The following KCNMA1 variants were observed in gnomAD, a reference collection of about 807,000 sequenced individuals.
The protein encoded by KCNMA1 is potassium calcium-activated channel subfamily M alpha 1.
Under a neutral mutation model 140.0 loss-of-function variants are expected in KCNMA1, and 29 were observed. That is an observed-to-expected ratio of 0.21 (90% CI 0.15 to 0.28). The LOEUF is 0.28. KCNMA1 is among the 10% of genes least tolerant of loss of function. The pLI, the probability that KCNMA1 is intolerant of heterozygous loss-of-function variation, is 1.00. For missense variants in KCNMA1, 880 were observed against 1,602.2 expected (o/e 0.55, Z 7.70); for synonymous variants, 612 against 611.9 (o/e 1.00, Z 0.00).
chr10:77,548,385 A>AC (rs764825164), intron 1 of KCNMA1, among the ~76,000 whole-genome samples: 31 of 151,942 alleles, frequency 2.0e-4, no homozygotes, highest in Admixed American at 1.3e-4. Context: ...CAGATGTTCC[A>AC]CCCCCACTTA....
chr10:77,305,394 T>C (rs7897426), intron 2 of KCNMA1, among the ~76,000 whole-genome samples: 37,310 of 152,158 alleles, frequency 0.25, 5,885 homozygotes, highest in Non-Finnish European at 0.36. Flanking sequence ...GGGTCTCAAC[T>C]TATAGAGAAA....
intron 3 of KCNMA1, among the ~76,000 whole-genome samples, chr10:77,245,541 T>G (rs541574416): frequency 2.6e-5 from 4 of 152,314 alleles, no homozygotes; most frequent in African/African-American, 9.6e-5. Context: ...CCATCCTATG[T>G]GGCTCCATTC....
At chr10:77,608,179 T>C (rs2085248945) in intron 1 of KCNMA1, among the ~76,000 whole-genome samples, 1 of 152,038 alleles carries the variant, frequency 6.6e-6, no homozygotes, top group South Asian at 2.1e-4. Flanking sequence ...TAGATCTCAT[T>C]TCTTTTTTTT....
intron 1 of KCNMA1, among the ~76,000 whole-genome samples, chr10:77,404,715 A>G (rs1162315380): frequency 1.3e-5 from 2 of 152,124 alleles, no homozygotes; most frequent in Non-Finnish European, 2.9e-5. Context: ...ACTTTCCTTT[A>G]GGAAAATTAT....
chr10:77,191,911 G>C (rs963006883), intron 3 of KCNMA1, among the ~76,000 whole-genome samples: 1 of 152,120 alleles, frequency 6.6e-6, no homozygotes, highest in African/African-American at 2.4e-5. Flanking sequence ...ATGGCAGCAG[G>C]CTTCTAATTA....
chr10:77,257,117 C>A (rs529729447), intron 2 of KCNMA1, among the ~76,000 whole-genome samples: 16 of 151,748 alleles, frequency 1.1e-4, no homozygotes, highest in South Asian at 1.0e-3. Context: ...CTCACACACA[C>A]AAAAAAGAAA....
At chr10:77,449,448 C>T (rs1451446847) in intron 1 of KCNMA1, among the ~76,000 whole-genome samples, 2 of 140,046 alleles carry the variant, frequency 1.4e-5, no homozygotes, top group Non-Finnish European at 3.0e-5. Context: ...GCATCCCTCC[C>T]AGGACCCACA....
rs556909402 is a variant in KCNMA1 at position 77,633,793 on chromosome 10, A to G, written c.378+3472T>C. 2.7e-4 allele frequency among the ~76,000 whole-genome samples: 41 copies of G among 152,258 alleles called. 1 individual carries two copies. Among genetic ancestry groups the G allele is most frequent in the African/African-American group, 9.4e-4 (39 of 41,548 alleles). On this transcript the variant is annotated intron_variant, in intron 1 of 27. Transcript: ENST00000286628. ...TGGAAATAACTCTATGCCCAGCCAC[A>G]CTCAGGCCCCTCAACAAACCACAGC...
intron 3 of KCNMA1, among the ~76,000 whole-genome samples, chr10:77,191,456 A>G (rs768189434): frequency 6.6e-6 from 1 of 152,170 alleles, no homozygotes; most frequent in Non-Finnish European, 1.5e-5. Context: ...GGTTTTCTTC[A>G]TGCTGCCATT....
intron 2 of KCNMA1, among the ~76,000 whole-genome samples, chr10:77,295,279 A>G (rs1421618378): frequency 6.6e-6 from 1 of 150,726 alleles, no homozygotes; most frequent in Non-Finnish European, 1.5e-5. Flanking sequence ...TCCCGGAGGC[A>G]GAGGTTGCAG....
At chr10:77,227,311 C>A (rs1565347433) in intron 3 of KCNMA1, among the ~76,000 whole-genome samples, 1 of 152,146 alleles carries the variant, frequency 6.6e-6, no homozygotes, top group African/African-American at 2.4e-5. Flanking sequence ...TTGAGGTTCA[C>A]CAAGCCCCAG....
At chr10:77,096,459 C>T (rs1008530352) in intron 9 of KCNMA1, among the ~76,000 whole-genome samples, 5 of 152,164 alleles carry the variant, frequency 3.3e-5, no homozygotes, top group African/African-American at 1.2e-4. Context: ...ACCATTCCCA[C>T]ACTCCCTCAA....
chr10:76,886,524 C>T lies in KCNMA1; in HGVS notation c.*742G>A. The T allele has an allele frequency of 1.0e-6, 1 of 985,006 alleles. No homozygotes were observed. Among genetic ancestry groups the T allele is most frequent in the Non-Finnish European group, 1.2e-6 (1 of 829,628 alleles). 61.0% of individuals were successfully genotyped at this position (985,006 alleles called of 1,614,324 possible). A position where few individuals can be genotyped will look rare whatever the true frequency, so the allele number is the denominator to read the frequency against. Reference sequence around the variant, plus strand: ...ACCTCTTTTCACTTAAACTAAATGACTAGAATTTGATACATCCATGATTGG... The same window carrying T: ...ACCTCTTTTCACTTAAACTAAATGATTAGAATTTGATACATCCATGATTGG... On this transcript the variant is annotated 3_prime_UTR_variant, in exon 28 of 28. Coordinates refer to ENST00000286628, the MANE Select transcript of KCNMA1 (RefSeq NM_001161352.2).
intron 2 of KCNMA1, among the ~76,000 whole-genome samples, chr10:77,340,551 T>C (rs1202120535): frequency 6.6e-6 from 1 of 152,172 alleles, no homozygotes; most frequent in Non-Finnish European, 1.5e-5. Context: ...GATGAGTTCA[T>C]GTCCTTTGTA....
At chr10:77,300,539 T>C (rs1297155135) in intron 2 of KCNMA1, among the ~76,000 whole-genome samples, 1 of 152,236 alleles carries the variant, frequency 6.6e-6, no homozygotes, top group African/African-American at 2.4e-5. Flanking sequence ...TGAGATCTTA[T>C]AATCAGTCCA....
Position 77,108,149 on chromosome 10 carries a change from T to G in KCNMA1, c.1223+332A>C, listed in dbSNP as rs1361275055. The G allele has an allele frequency of 1.5e-6, 1 of 685,590 alleles. No individual in the cohort carries two copies. Among genetic ancestry groups the G allele is most frequent in the Non-Finnish European group, 2.4e-6 (1 of 417,218 alleles). The allele number at this position is 685,590 out of a possible 1,614,324, so 42.5% of individuals were successfully genotyped here. The stretch of plus-strand genomic sequence containing the variant: ...CAACGTCCTCGGGTCACCTCTGACA[T>G]CACACCCCATGCAGAAACTGGGCCT... On this transcript the variant is annotated intron_variant, in intron 9 of 27. Transcript: ENST00000286628. The surrounding 1 kb of genome is among the most constrained non-coding windows in gnomAD (Gnocchi z 4.6).
chr10:77,092,447 G>A (rs2096838211), intron 9 of KCNMA1, among the ~76,000 whole-genome samples: 1 of 152,114 alleles, frequency 6.6e-6, no homozygotes, highest in South Asian at 2.1e-4. Context: ...GGGCTACTTT[G>A]CCATTCTAAC....
At chr10:77,517,085 G>A (rs769679267) in intron 1 of KCNMA1, among the ~76,000 whole-genome samples, 6 of 152,078 alleles carry the variant, frequency 3.9e-5, no homozygotes, top group Non-Finnish European at 8.8e-5. Flanking sequence ...GGGGAAGGGC[G>A]CATTGGTGAA....
intron 2 of KCNMA1, among the ~76,000 whole-genome samples, chr10:77,293,713 C>G (rs1182682166): frequency 6.6e-6 from 1 of 152,220 alleles, no homozygotes; most frequent in East Asian, 1.9e-4. Context: ...TCTTTCTCTG[C>G]TACATCAGAG....
Sources: allele counts gnomAD v4.1 joint callset (sites outside exome capture counted in the v4.1 genomes callset), GRCh38; gene constraint gnomAD v4.1.1; non-coding constraint Gnocchi (gnomAD v3.1); transcripts MANE v1.5; gene names NCBI Gene and HGNC (gene_info 2026-07-23, HGNC 2026-07-21).